The following S100A8 variants were observed in gnomAD, a reference collection of about 807,000 sequenced individuals.
S100A8 encodes protein S100-A8.
A neutral mutation model predicts 4.2 loss-of-function variants in S100A8; 1 was observed. The observed-to-expected ratio is 0.24, with a 90% CI of 0.08 to 1.12. The LOEUF (loss-of-function observed/expected upper bound fraction) is 1.12. Ranked by LOEUF, S100A8 falls within the 50% of genes most tolerant of loss-of-function variation. The pLI is 0.53. For synonymous variants in S100A8, 41 were observed against 44.7 expected (o/e 0.92, Z 0.33); for missense variants, 96 against 111.8 (o/e 0.86, Z 0.64).
the S100A8 span, among the ~76,000 whole-genome samples, chr1:153,402,201 G>A: frequency 6.6e-6 from 1 of 152,334 alleles, no homozygotes; most frequent in African/African-American, 2.4e-5. Context: ...CCTCTTTGCT[G>A]AGCACTGCTC....
At chr1:153,419,347 C>A in the S100A8 span, 3 of 1,586,102 alleles carry the variant, frequency 1.9e-6, no homozygotes, top group South Asian at 2.3e-5. Context: ...ACCCCAGGAA[C>A]AATAAGTGTC....
At chr1:153,407,504 G>A in the S100A8 span, among the ~76,000 whole-genome samples, 1 of 152,244 alleles carries the variant, frequency 6.6e-6, no homozygotes, top group African/African-American at 2.4e-5. Flanking sequence ...CACAGCTAAA[G>A]GAGGTCTGCC....
At chr1:153,391,245 G>C (rs765727096), upstream of S100A8, 7 of 979,474 alleles carry the variant, frequency 7.1e-6, no homozygotes, top group Non-Finnish European at 8.5e-6. Flanking sequence ...GGGGAGGTAG[G>C]AGAAGCGGAA....
chr1:153,411,687 C>G, the S100A8 span, among the ~76,000 whole-genome samples: 1 of 152,072 alleles, frequency 6.6e-6, no homozygotes, highest in African/African-American at 2.4e-5. Flanking sequence ...AATCCTAAGC[C>G]AAAAGAACAA....
the S100A8 span, among the ~76,000 whole-genome samples, chr1:153,402,019 C>T: frequency 6.6e-6 from 1 of 152,060 alleles, no homozygotes; most frequent in East Asian, 1.9e-4. Context: ...GAAGGGGGAG[C>T]TGCTAGATGC....
chr1:153,390,988 C>A, intron 1 of S100A8, 53 bp downstream of exon 1: 1 of 990,112 alleles, frequency 1.0e-6, no homozygotes, highest in African/African-American at 1.7e-5. Context: ...ACTTCCCTGA[C>A]CCTCCCCAAG....
the S100A8 span, chr1:153,417,991 C>T: frequency 6.4e-7 from 1 of 1,563,238 alleles, no homozygotes; most frequent in South Asian, 1.2e-5. Context: ...CTGTCCTCAG[C>T]CCTCCTTCTA....
the S100A8 span, among the ~76,000 whole-genome samples, chr1:153,416,265 T>A: frequency 6.6e-6 from 1 of 152,166 alleles, no homozygotes; most frequent in Non-Finnish European, 1.5e-5. Flanking sequence ...GACCTGTTAC[T>A]ACACATGTAC....
At chr1:153,418,248 T>A in the S100A8 span, 9 of 1,613,718 alleles carry the variant, frequency 5.6e-6, no homozygotes, top group Non-Finnish European at 7.6e-6. Flanking sequence ...AGCTTCTCAA[T>A]GTTGGTTGGA....
the S100A8 span, among the ~76,000 whole-genome samples, chr1:153,416,212 C>T: frequency 2.8e-3 from 431 of 152,298 alleles, 1 homozygote; most frequent in African/African-American, 9.9e-3. Context: ...AAACTCCATT[C>T]TCTTTGGGTC....
At chr1:153,415,424 A>G in the S100A8 span, among the ~76,000 whole-genome samples, 1 of 152,164 alleles carries the variant, frequency 6.6e-6, no homozygotes, top group African/African-American at 2.4e-5. Context: ...GCGGCCTACA[A>G]GGAACATTGT....
At chr1:153,415,182 G>A in the S100A8 span, among the ~76,000 whole-genome samples, 3 of 150,888 alleles carry the variant, frequency 2.0e-5, no homozygotes, top group East Asian at 3.9e-4. Flanking sequence ...TTGTGTGTGT[G>A]TGCGTGTGTG....
chr1:153,420,665 A>G, the S100A8 span: 2 of 152,238 alleles, frequency 1.3e-5, no homozygotes, highest in South Asian at 4.1e-4. Flanking sequence ...AGCCTTCAGG[A>G]CTGATCTGCC....
chr1:153,393,092 C>T (rs1285797223), upstream of S100A8, among the ~76,000 whole-genome samples: 6 of 152,110 alleles, frequency 3.9e-5, no homozygotes, highest in Admixed American at 1.3e-4. Flanking sequence ...AGTAATTCAG[C>T]GTATCAAATG....
chr1:153,398,433 A>G, the S100A8 span, among the ~76,000 whole-genome samples: 3 of 147,860 alleles, frequency 2.0e-5, no homozygotes, highest in African/African-American at 7.4e-5. Flanking sequence ...TCCCCCGGGC[A>G]TGGATCCCAC....
At chr1:153,408,031 A>C in the S100A8 span, among the ~76,000 whole-genome samples, 3 of 152,226 alleles carry the variant, frequency 2.0e-5, no homozygotes, top group Admixed American at 2.0e-4. Flanking sequence ...CCAGAGCAGA[A>C]AAGCTGAAAA....
chr1:153,410,134 C>G, the S100A8 span, among the ~76,000 whole-genome samples: 1 of 152,074 alleles, frequency 6.6e-6, no homozygotes, highest in African/African-American at 2.4e-5. Flanking sequence ...AAGATCAGAG[C>G]AGAACTGAAG....
chr1:153,391,281 G>T, upstream of S100A8: 2 of 834,406 alleles, frequency 2.4e-6, no homozygotes, highest in Non-Finnish European at 2.9e-6. Context: ...CTGGGCAATA[G>T]TGCCCAGAAG....
chr1:153,409,569 T>C, the S100A8 span, among the ~76,000 whole-genome samples: 5 of 152,148 alleles, frequency 3.3e-5, no homozygotes, highest in Non-Finnish European at 5.9e-5. Context: ...GACAGATCAA[T>C]AAGACAGAAA....
Sources: gnomAD v4.1 joint callset for allele counts (sites outside exome capture counted in the v4.1 genomes callset) on GRCh38, gnomAD v4.1.1 for gene constraint, MANE v1.5 for transcripts, NCBI Gene and HGNC (gene_info 2026-07-23, HGNC 2026-07-21) for gene names.